The following CUL5 variants were observed in gnomAD, a reference collection of about 807,000 sequenced individuals.
CUL5 encodes the protein cullin 5, also known as cullin-5.
Under a neutral mutation model 108.8 loss-of-function variants are expected in CUL5, and 26 were observed. That is an observed-to-expected ratio of 0.24 (90% CI 0.18 to 0.33). The LOEUF (loss-of-function observed/expected upper bound fraction) is 0.33. Among genes scored for constraint, CUL5 ranks in the 10% least tolerant of loss-of-function variants. The pLI is 1.00. For synonymous variants in CUL5, 334 were observed against 298.0 expected (o/e 1.12, Z -1.25); for missense variants, 524 against 909.2 (o/e 0.58, Z 5.45).
chr11:108,041,346 C>T (rs536264382), intron 2 of CUL5, among the ~76,000 whole-genome samples: 6 of 150,726 alleles, frequency 4.0e-5, no homozygotes, highest in South Asian at 2.1e-4. Flanking sequence ...GGCATGATCT[C>T]GGCTCATTGC....
chr11:108,082,799 AT>A (rs34057559), intron 11 of CUL5, among the ~76,000 whole-genome samples: 20,015 of 146,798 alleles, frequency 0.14, 1,409 homozygotes, highest in African/African-American at 0.19. Flanking sequence ...TGCCCGGCTA[AT>A]TTTTTTTTTT....
intron 7 of CUL5, among the ~76,000 whole-genome samples, chr11:108,056,227 G>T (rs1363860502): frequency 3.3e-5 from 5 of 152,200 alleles, no homozygotes; most frequent in Non-Finnish European, 7.3e-5. Flanking sequence ...CACAACAATA[G>T]TATTTCCTCT....
At chr11:108,023,114 A>C (rs1862367631) in intron 1 of CUL5, among the ~76,000 whole-genome samples, 1 of 152,100 alleles carries the variant, frequency 6.6e-6, no homozygotes, top group African/African-American at 2.4e-5. Flanking sequence ...ATGGTGGCAC[A>C]TGCCTGTAAT....
Position 108,097,743 on chromosome 11 carries a change from G to C in CUL5, c.2013G>C (p.Glu671Asp). The C allele has an allele frequency of 6.3e-7, 1 of 1,588,096 alleles. No homozygotes were observed. The highest frequency in any genetic ancestry group is 8.6e-7 in the Non-Finnish European group (1 of 1,157,418). ...GTACCCTCTTCTCAGTGAACCAGGA[G>C]TTCAGTTTAATGTAAGCTCGTTAGT... ...TEGTLFSVNQ[E>D]FSLIKNAKVQ... Residue 671 changes from glutamate (E) to aspartate (D), a missense_variant, in exon 17 of 19, where the codon GAG (glutamate) becomes GAC (aspartate). By Grantham distance (45) the Glu-to-Asp change is conservative. Around this residue, in one of 8 missense-constraint regions of CUL5, gnomAD observed 66 missense variants for 81.4 expected, o/e 0.81. Transcript: ENST00000393094.
intron 11 of CUL5, among the ~76,000 whole-genome samples, chr11:108,083,164 C>T (rs1224401870): frequency 6.6e-6 from 1 of 152,124 alleles, no homozygotes; most frequent in Non-Finnish European, 1.5e-5. Flanking sequence ...TTCAGGCATC[C>T]TTGTCTTATT....
At chr11:108,093,800 A>G (rs1864417516) in intron 13 of CUL5, among the ~76,000 whole-genome samples, 1 of 152,172 alleles carries the variant, frequency 6.6e-6, no homozygotes, top group South Asian at 2.1e-4. Flanking sequence ...GGGCTCAAGC[A>G]ATCCACCCAC....
chr11:108,067,412 A>G (rs2135172481), intron 7 of CUL5, among the ~76,000 whole-genome samples: 1 of 152,346 alleles, frequency 6.6e-6, no homozygotes, highest in South Asian at 2.1e-4. Flanking sequence ...ACCATAAGAA[A>G]TACATTTTAT....
chr11:108,039,717 A>G (rs1373171067), intron 2 of CUL5, among the ~76,000 whole-genome samples: 7 of 152,250 alleles, frequency 4.6e-5, no homozygotes, highest in South Asian at 2.1e-4. Flanking sequence ...ATCGTATAGT[A>G]TTTGTCGTTT....
At chr11:108,052,859 A>G in intron 5 of CUL5, 58 bp downstream of exon 5, 2 of 1,467,744 alleles carry the variant, frequency 1.4e-6, no homozygotes, top group South Asian at 2.6e-5. Context: ...TAGAACAATT[A>G]TGGAATAGCA....
At chr11:108,015,384 A>G (rs1353981395) in intron 1 of CUL5, among the ~76,000 whole-genome samples, 2 of 152,230 alleles carry the variant, frequency 1.3e-5, no homozygotes, top group Non-Finnish European at 2.9e-5. Context: ...GAAGATTTGA[A>G]TATCATCGGT....
intron 7 of CUL5, among the ~76,000 whole-genome samples, chr11:108,061,208 AAGATGTATTTTCAAAT>A (rs1171935304): frequency 6.6e-6 from 1 of 152,226 alleles, no homozygotes; most frequent in Non-Finnish European, 1.5e-5. Flanking sequence ...CTTTCCATTC[AAGATGTATTTTCAAAT>A]AACAAGTTAT....
chr11:108,064,346 A>T (rs1374191114), intron 7 of CUL5, among the ~76,000 whole-genome samples: 1 of 152,226 alleles, frequency 6.6e-6, no homozygotes, highest in Non-Finnish European at 1.5e-5. Context: ...TGTATGTTGA[A>T]CCATCCTTGC....
intron 1 of CUL5, among the ~76,000 whole-genome samples, chr11:108,019,440 A>G (rs912477643): frequency 2.6e-5 from 4 of 152,220 alleles, no homozygotes; most frequent in African/African-American, 4.8e-5. Context: ...TAAAGTTATT[A>G]GAGTGCCATT....
intron 1 of CUL5, among the ~76,000 whole-genome samples, chr11:108,023,029 A>T (rs564026536): frequency 6.6e-6 from 1 of 152,322 alleles, no homozygotes; most frequent in Admixed American, 6.5e-5. Context: ...CAGGTGGATC[A>T]CCTGAGGTCA....
chr11:108,021,494 C>A (rs1292794929), intron 1 of CUL5, among the ~76,000 whole-genome samples: 1 of 151,734 alleles, frequency 6.6e-6, no homozygotes, highest in Non-Finnish European at 1.5e-5. Flanking sequence ...AAATTTTATT[C>A]ATTTTTTAGA....
chr11:108,083,596 G>GT lies in CUL5; in HGVS notation c.1179-4930dup, dbSNP rs538888086. 2.2e-4 allele frequency among the ~76,000 whole-genome samples: 33 copies of GT among 152,322 alleles called. No individual in the cohort carries two copies. In the South Asian group the frequency reaches 6.8e-3, roughly 32 times the overall value. ...GTTTAAGGCCACGAGTTTAAGACCA[G>GT]TCAGGGCAATGTAGTGAGACCCATC... On this transcript the variant is annotated intron_variant, in intron 11 of 18. Transcript: ENST00000393094.
rs1436128336 is a variant in CUL5 at position 108,009,291 on chromosome 11, C to T, written c.-58C>T. 8.1e-6 allele frequency: 13 copies of T among 1,602,622 alleles called. No homozygotes were observed. The highest frequency in any genetic ancestry group is 1.0e-5 in the Non-Finnish European group (12 of 1,171,234). ...TGGGAGCTCCGGCCTCCGGTCAAGG[C>T]CTGGCCGGGAGCGCCACGAATTCTC... On this transcript the variant is annotated 5_prime_UTR_variant, in exon 1 of 19. Transcript: ENST00000393094.
chr11:108,097,959 G>C (rs1864540247), intron 17 of CUL5, among the ~76,000 whole-genome samples: 1 of 152,102 alleles, frequency 6.6e-6, no homozygotes, highest in African/African-American at 2.4e-5. Context: ...TTTGGTCTCT[G>C]ACATTATACT....
intron 5 of CUL5, among the ~76,000 whole-genome samples, chr11:108,054,268 ATTTTCTTGTGC>A (rs1196527244): frequency 6.6e-6 from 1 of 152,072 alleles, no homozygotes; most frequent in Non-Finnish European, 1.5e-5. Flanking sequence ...ACCTAGTCAT[ATTTTCTTGTGC>A]TTTTCTGCTT....
Sources: allele counts gnomAD v4.1 joint callset (sites outside exome capture counted in the v4.1 genomes callset), GRCh38; gene constraint gnomAD v4.1.1; regional missense constraint gnomAD v4.1.1; transcripts MANE v1.5; gene names NCBI Gene and HGNC (gene_info 2026-07-23, HGNC 2026-07-21).